CPNE4: variants seen among roughly 807,000 people sequenced by gnomAD.
CPNE4 encodes copine 4.
Under a neutral mutation model 67.9 loss-of-function variants are expected in CPNE4, and 25 were observed. The observed-to-expected ratio is 0.37, with a 90% CI of 0.27 to 0.51. The LOEUF is 0.51. Ranked by LOEUF, CPNE4 falls within the 20% of genes least tolerant of loss-of-function variation. The pLI, the probability that CPNE4 is intolerant of heterozygous loss-of-function variation, is 0.93. For synonymous variants in CPNE4, 242 were observed against 244.9 expected, an observed-to-expected ratio of 0.99 and a Z score of 0.11; for missense variants, 464 against 690.8, an observed-to-expected ratio of 0.67 and a Z score of 3.68.
chr3:131,654,926 A>T (rs188332272), intron 7 of CPNE4, among the ~76,000 whole-genome samples: 1 of 152,366 alleles, frequency 6.6e-6, no homozygotes, highest in African/African-American at 2.4e-5. Context: ...AAATGTCAAT[A>T]GTGTTAATTT....
At chr3:131,971,568 A>G (rs1369511677) in intron 1 of CPNE4, among the ~76,000 whole-genome samples, 2 of 152,040 alleles carry the variant, frequency 1.3e-5, no homozygotes, top group Non-Finnish European at 2.9e-5. Context: ...TTTGCCCCAG[A>G]GGGTTATCTG....
chr3:132,038,067 G>A (rs1179268467), upstream of CPNE4: 1 of 147,624 alleles, frequency 6.8e-6, no homozygotes, highest in Non-Finnish European at 1.5e-5. Context: ...ATATATTTTT[G>A]AGGCTGTGGA....
chr3:131,922,478 A>C (rs1286136683), intron 1 of CPNE4, among the ~76,000 whole-genome samples: 1 of 152,186 alleles, frequency 6.6e-6, no homozygotes, highest in African/African-American at 2.4e-5. Context: ...CAAGAGCCTG[A>C]TCTAAATTTG....
At chr3:131,999,981 T>A (rs1336078030) in intron 1 of CPNE4, among the ~76,000 whole-genome samples, 1 of 151,988 alleles carries the variant, frequency 6.6e-6, no homozygotes, top group African/African-American at 2.4e-5. Context: ...ATTTAACATT[T>A]TCTTGATGCA....
At chr3:131,589,165 G>T (rs939999625) in intron 7 of CPNE4, among the ~76,000 whole-genome samples, 1 of 152,144 alleles carries the variant, frequency 6.6e-6, no homozygotes, top group Non-Finnish European at 1.5e-5. Flanking sequence ...GTCCCATCGT[G>T]TTAGGCCATC....
chr3:131,701,343 G>A (rs989751576), intron 3 of CPNE4, among the ~76,000 whole-genome samples: 2 of 152,094 alleles, frequency 1.3e-5, no homozygotes, highest in African/African-American at 2.4e-5. Context: ...GGTCCACAAT[G>A]ATCCTATCTT....
intron 5 of CPNE4, among the ~76,000 whole-genome samples, chr3:131,695,351 C>A (rs2081127025): frequency 6.6e-6 from 1 of 152,120 alleles, no homozygotes; most frequent in Non-Finnish European, 1.5e-5. Context: ...ATTCTATGAG[C>A]AAGTGTTCAT....
rs147115327 is a variant in CPNE4 at position 131,723,304 on chromosome 3, T to A, written c.360+142A>T. On this transcript the variant is annotated intron_variant, in intron 3 of 15. Transcript: ENST00000429747. ...TAAACATAATGGATATGACACCACC[T>A]GGGAAGTTGTAAAATGCTGCATGTT... The A allele has an allele frequency of 1.6e-5, 11 of 701,326 alleles. No individual in the cohort carries two copies. The East Asian group carries it at 2.9e-4, about 18-fold the overall frequency. The allele number at this position is 701,326 out of a possible 1,614,324, so 43.4% of individuals were successfully genotyped here. A position where few individuals can be genotyped will look rare whatever the true frequency, so the allele number is the denominator to read the frequency against.
At chr3:131,795,813 C>T (rs541459458) in intron 2 of CPNE4, among the ~76,000 whole-genome samples, 9 of 152,176 alleles carry the variant, frequency 5.9e-5, no homozygotes, top group Admixed American at 1.3e-4. Flanking sequence ...ATATTTATGA[C>T]TCCTCTTATA....
intron 1 of CPNE4, among the ~76,000 whole-genome samples, chr3:131,938,166 G>A (rs2071280646): frequency 6.6e-6 from 1 of 152,030 alleles, no homozygotes. Flanking sequence ...AGACCAGCCT[G>A]GGCAACATGG....
chr3:131,968,056 C>T (rs1282237556), intron 1 of CPNE4, among the ~76,000 whole-genome samples: 1 of 152,122 alleles, frequency 6.6e-6, no homozygotes, highest in Non-Finnish European at 1.5e-5. Flanking sequence ...TAACACCACA[C>T]ATCTACAACC....
At chr3:131,733,981 A>AAC (rs1441607226) in intron 2 of CPNE4, among the ~76,000 whole-genome samples, 4 of 152,220 alleles carry the variant, frequency 2.6e-5, no homozygotes, top group Non-Finnish European at 5.9e-5. Flanking sequence ...AACCCTCCTC[A>AAC]CGATAGGTGT....
At chr3:131,948,452 C>T (rs2071625104) in intron 1 of CPNE4, among the ~76,000 whole-genome samples, 1 of 152,184 alleles carries the variant, frequency 6.6e-6, no homozygotes, top group African/African-American at 2.4e-5. Context: ...TCAATTAAAA[C>T]TCATTCCTTT....
At chr3:131,922,330 C>A (rs2070763058) in intron 1 of CPNE4, among the ~76,000 whole-genome samples, 1 of 152,140 alleles carries the variant, frequency 6.6e-6, no homozygotes, top group South Asian at 2.1e-4. Context: ...TGTTGATGGG[C>A]ACCTAGGTTG....
intron 2 of CPNE4, among the ~76,000 whole-genome samples, chr3:131,743,832 G>A (rs1375311218): frequency 7.9e-5 from 12 of 151,176 alleles, no homozygotes; most frequent in South Asian, 2.1e-4. Context: ...GCGTGGTAGC[G>A]GGCGCCTGTA....
intron 1 of CPNE4, among the ~76,000 whole-genome samples, chr3:131,930,412 T>G (rs1028602020): frequency 6.6e-6 from 1 of 151,572 alleles, no homozygotes; most frequent in Non-Finnish European, 1.5e-5. Context: ...CTGACCTCAT[T>G]CTTTCTTCCA....
intron 7 of CPNE4, among the ~76,000 whole-genome samples, chr3:131,631,429 G>C (rs2107778072): frequency 6.6e-6 from 1 of 152,210 alleles, no homozygotes; most frequent in African/African-American, 2.4e-5. Context: ...TGGAGCTACT[G>C]GTTTGGGTTT....
intron 7 of CPNE4, among the ~76,000 whole-genome samples, chr3:131,620,227 T>C (rs1940389777): frequency 6.6e-6 from 1 of 152,182 alleles, no homozygotes; most frequent in Non-Finnish European, 1.5e-5. Context: ...ACTATCATGT[T>C]CCTGTTTTCA....
At chr3:131,660,263 A>T (rs1418831144) in intron 7 of CPNE4, among the ~76,000 whole-genome samples, 2 of 152,190 alleles carry the variant, frequency 1.3e-5, no homozygotes, top group African/African-American at 2.4e-5. Flanking sequence ...TTATTTTGAC[A>T]TTGAAGCACC....
Sources: gnomAD v4.1 joint callset for allele counts (sites outside exome capture counted in the v4.1 genomes callset) on GRCh38, gnomAD v4.1.1 for gene constraint, MANE v1.5 for transcripts, NCBI Gene and HGNC (gene_info 2026-07-23, HGNC 2026-07-21) for gene names.